C6orf163: variants seen among roughly 807,000 people sequenced by gnomAD.
The protein encoded by C6orf163 is uncharacterized protein C6orf163.
Under a neutral mutation model 28.4 loss-of-function variants are expected in C6orf163, and 22 were observed. The ratio of observed to expected loss-of-function variants is 0.78; its 90% CI spans 0.55 to 1.11. The LOEUF is 1.11. C6orf163 is among the 50% of genes least tolerant of loss of function. C6orf163 has a pLI of 0.00. For synonymous variants in C6orf163, 110 were observed against 123.6 expected (o/e 0.89, Z 0.73); for missense variants, 342 against 389.1 (o/e 0.88, Z 1.02).
At chr6:87,348,709 A>T in intron 1 of C6orf163, 103 bp from the exon 2 acceptor site, 1 of 1,465,286 alleles carries the variant, frequency 6.8e-7, no homozygotes, top group Non-Finnish European at 9.0e-7. Context: ...TCCTAAAAGG[A>T]CGTGTCTCCT....
rs1169934721 is a variant in C6orf163, at chr6:87,345,170, C to G, written c.71C>G (p.Pro24Arg). 2.0e-6 allele frequency: 3 copies of G among 1,536,666 alleles called. No individual in the cohort carries two copies. Among genetic ancestry groups the G allele is most frequent in the Non-Finnish European group, 2.6e-6 (3 of 1,146,746 alleles). ...TGTAATAAAATAATTCCACCAGCCC[C>G]TTTTGGAAAAACCTTCAAACGGATC... ...AVCNKIIPPA[P>R]FGKTFKRIHE... Residue 24 changes from proline (P) to arginine (R), a missense_variant, in exon 1 of 5, where the codon CCT becomes CGT. Coordinates refer to ENST00000388923, the MANE Select transcript of C6orf163 (RefSeq NM_001010868.3).
chr6:87,363,230 A>C (rs965805516), intron 4 of C6orf163, among the ~76,000 whole-genome samples: 1 of 152,192 alleles, frequency 6.6e-6, no homozygotes, highest in African/African-American at 2.4e-5. Context: ...GAAGTATATT[A>C]ATCATTTAGC....
At position 87,345,286 on chromosome 6, in the gene C6orf163, A is replaced by T. The variant is rs998456302; in HGVS notation, c.148+39A>T. ...TCGTTTTCCTTTGTTCTAATGCTTCATAGCCTTATGTGTCATTCTTTCTGT... is the reference window on the plus strand; with the variant it reads ...TCGTTTTCCTTTGTTCTAATGCTTCTTAGCCTTATGTGTCATTCTTTCTGT... On this transcript the variant is annotated intron_variant, in intron 1 of 4. Transcript: ENST00000388923. 9 of 1,477,304 alleles carry T rather than the reference A, an allele frequency of 6.1e-6. No homozygotes were observed. In the African/African-American group the frequency reaches 1.3e-4, roughly 21 times the overall value. The allele number at this position is 1,477,304 out of a possible 1,614,324, so 91.5% of individuals were successfully genotyped here.
At chr6:87,348,532 CTTTCTTCGGGCATTTA>C (rs1777361398) in intron 1 of C6orf163, 1 of 1,153,386 alleles carries the variant, frequency 8.7e-7, no homozygotes, top group African/African-American at 1.6e-5. Context: ...AAATATGTCC[CTTTCTTCGGGCATTTA>C]TTTCACCTCC....
chr6:87,363,402 T>A (rs1202531914), intron 4 of C6orf163, among the ~76,000 whole-genome samples: 1 of 152,014 alleles, frequency 6.6e-6, no homozygotes, highest in Non-Finnish European at 1.5e-5. Context: ...ATGTGCAGGT[T>A]TGTTACATAT....
chr6:87,356,260 TAA>T (rs1027726888), intron 3 of C6orf163, 39 bp from the exon 4 acceptor site: 21 of 1,511,094 alleles, frequency 1.4e-5, no homozygotes, highest in Non-Finnish European at 1.9e-5. Context: ...TTTTAAACAT[TAA>T]GTCTGTAATA....
intron 3 of C6orf163, among the ~76,000 whole-genome samples, chr6:87,351,575 G>A (rs142544296): frequency 9.8e-5 from 15 of 152,336 alleles, no homozygotes; most frequent in African/African-American, 3.4e-4. Context: ...TGGCTGTGGT[G>A]GCCCATTGCC....
At chr6:87,346,986 A>T (rs1777334558) in intron 1 of C6orf163, among the ~76,000 whole-genome samples, 1 of 152,150 alleles carries the variant, frequency 6.6e-6, no homozygotes, top group South Asian at 2.1e-4. Flanking sequence ...TACAGACCTT[A>T]TGTACACTTT....
intron 4 of C6orf163, among the ~76,000 whole-genome samples, chr6:87,361,449 C>T (rs1301434639): frequency 6.6e-6 from 1 of 152,144 alleles, no homozygotes; most frequent in Admixed American, 6.6e-5. Flanking sequence ...TTGCCTGACT[C>T]AATTCTGGTA....
chr6:87,359,994 G>T (rs575688493), intron 4 of C6orf163, among the ~76,000 whole-genome samples: 1 of 152,276 alleles, frequency 6.6e-6, no homozygotes, highest in Non-Finnish European at 1.5e-5. Context: ...CCAGTCATCG[G>T]TGAGCCTCCT....
At chr6:87,363,183 T>C (rs1190097976) in intron 4 of C6orf163, among the ~76,000 whole-genome samples, 2 of 152,164 alleles carry the variant, frequency 1.3e-5, no homozygotes, top group East Asian at 3.9e-4. Flanking sequence ...CATGGTTGGC[T>C]GCTATGAATT....
intron 3 of C6orf163, among the ~76,000 whole-genome samples, chr6:87,352,976 A>T (rs1777440468): frequency 6.6e-6 from 1 of 152,212 alleles, no homozygotes; most frequent in South Asian, 2.1e-4. Context: ...CTCACTCAAG[A>T]TGCATTTCAG....
At chr6:87,357,174 G>T (rs1198196421) in intron 4 of C6orf163, 1 of 152,130 alleles carries the variant, frequency 6.6e-6, no homozygotes, top group Admixed American at 6.6e-5. Context: ...TCACAGATCA[G>T]ATCATACATA....
At chr6:87,356,598 C>G (rs1777506255) in intron 4 of C6orf163, 95 bp downstream of exon 4, 2 of 1,124,996 alleles carry the variant, frequency 1.8e-6, no homozygotes, top group African/African-American at 3.2e-5. Flanking sequence ...TAGATATTGC[C>G]CAGTTTTTGT....
At chr6:87,360,741 T>C (rs538134399) in intron 4 of C6orf163, among the ~76,000 whole-genome samples, 1 of 152,308 alleles carries the variant, frequency 6.6e-6, no homozygotes, top group African/African-American at 2.4e-5. Context: ...CCAATATAGC[T>C]GCTTTAAACT....
At position 87,365,228 on chromosome 6, in the gene C6orf163, G is replaced by C. The variant is rs911074226; in HGVS notation, c.822G>C (p.Trp274Cys). 1.9e-6 allele frequency: 3 copies of C among 1,551,582 alleles called. No homozygotes were observed. The highest frequency in any genetic ancestry group is 2.6e-6 in the Non-Finnish European group (3 of 1,146,994). ...AACAACTGGGAATCATGACAAATTG[G>C]AAAGATTTCCTAGAGGAGGAATTAC... ...IAKQLGIMTN[W>C]KDFLEEELQE... The change falls in exon 5 of 5, where the codon TGG becomes TGC. Residue 274 changes from tryptophan (W) to cysteine (C), a missense_variant. Physicochemically the swap from Trp to Cys is radical, Grantham distance 215 (BLOSUM62 -2). Transcript: ENST00000388923.
At chr6:87,347,938 T>C in intron 1 of C6orf163, 1 of 893,302 alleles carries the variant, frequency 1.1e-6, no homozygotes, top group South Asian at 5.1e-5. Context: ...GGCAGATCAC[T>C]TGAGGTCAAG....
intron 4 of C6orf163, among the ~76,000 whole-genome samples, chr6:87,361,268 A>G (rs890260781): frequency 6.6e-6 from 1 of 152,064 alleles, no homozygotes; most frequent in African/African-American, 2.4e-5. Flanking sequence ...TGGGCAACAG[A>G]GTGGGACCCT....
At chr6:87,362,280 C>T (rs1777591434) in intron 4 of C6orf163, among the ~76,000 whole-genome samples, 1 of 152,174 alleles carries the variant, frequency 6.6e-6, no homozygotes, top group Non-Finnish European at 1.5e-5. Flanking sequence ...AGTTCAAGAC[C>T]AGCCTGGCCA....
Sources: allele counts gnomAD v4.1 joint callset (sites outside exome capture counted in the v4.1 genomes callset), GRCh38; gene constraint gnomAD v4.1.1; transcripts MANE v1.5; gene names NCBI Gene and HGNC (gene_info 2026-07-23, HGNC 2026-07-21).